The following HERC1 variants were observed in gnomAD, a reference collection of about 807,000 sequenced individuals.
The protein encoded by HERC1 is probable E3 ubiquitin-protein ligase HERC1.
Under a neutral mutation model 554.3 loss-of-function variants are expected in HERC1, and 160 were observed. That is an observed-to-expected ratio of 0.29 (90% confidence interval 0.25 to 0.33). The LOEUF is 0.33. Among genes scored for constraint, HERC1 ranks in the 10% least tolerant of loss-of-function variants. The probability of loss-of-function intolerance (pLI) is 1.00; values close to 1 mark genes in which losing one functional copy is unlikely to be tolerated. For synonymous variants in HERC1, 2,175 were observed against 2,131.7 expected (o/e 1.02, Z -0.56); for missense variants, 4,919 against 5,918.5 (o/e 0.83, Z 5.54).
At chr15:63,628,385 A>G (rs1056811648) in intron 70 of HERC1, among the ~76,000 whole-genome samples, 1 of 152,150 alleles carries the variant, frequency 6.6e-6, no homozygotes, top group Non-Finnish European at 1.5e-5. Context: ...GCAAGACTCC[A>G]TCTCAAAAAA....
chr15:63,810,137 T>C (rs912440060), intron 1 of HERC1, among the ~76,000 whole-genome samples: 3 of 152,146 alleles, frequency 2.0e-5, no homozygotes, highest in Non-Finnish European at 4.4e-5. Flanking sequence ...TAAAAATACA[T>C]TAAGATGCAG....
intron 1 of HERC1, among the ~76,000 whole-genome samples, chr15:63,828,592 G>A (rs2078021588): frequency 6.6e-6 from 1 of 152,080 alleles, no homozygotes; most frequent in Admixed American, 6.6e-5. Flanking sequence ...GCCCTCCTCG[G>A]CCTCCCAAAG....
chr15:63,713,833 A>T, intron 22 of HERC1, 168 bp from the exon 23 acceptor site: 1 of 542,768 alleles, frequency 1.8e-6, no homozygotes, highest in Non-Finnish European at 3.2e-6. Flanking sequence ...AATTACATTT[A>T]AAATATACTA....
chr15:63,814,962 A>C (rs1303019645), intron 1 of HERC1, among the ~76,000 whole-genome samples: 1 of 152,258 alleles, frequency 6.6e-6, no homozygotes, highest in African/African-American at 2.4e-5. Context: ...ATAACCTCAG[A>C]TCTCATGTAT....
At chr15:63,638,640 C>G (rs2068891676) in intron 62 of HERC1, 71 bp downstream of exon 62, 4 of 1,584,192 alleles carry the variant, frequency 2.5e-6, no homozygotes, top group Non-Finnish European at 1.7e-6. Context: ...CACCAGGGCA[C>G]AAACACACAA....
chr15:63,645,250 G>A (rs909896251), intron 56 of HERC1, among the ~76,000 whole-genome samples, 153 bp from the exon 57 acceptor site: 3 of 151,930 alleles, frequency 2.0e-5, no homozygotes, highest in Non-Finnish European at 4.4e-5. Flanking sequence ...AAATACAACC[G>A]AGGCCAATAT....
intron 1 of HERC1, among the ~76,000 whole-genome samples, chr15:63,821,254 C>T (rs558107745): frequency 5.9e-5 from 9 of 151,792 alleles, no homozygotes; most frequent in South Asian, 2.1e-4. Context: ...AGACCTCATC[C>T]CTAAAAAAAT....
rs894750727 is a variant in HERC1, at chr15:63,758,977, C to T, written c.1027-608G>A. Among the ~76,000 whole-genome samples, 1 of 152,140 alleles carries T rather than the reference C, an allele frequency of 6.6e-6. No homozygotes were observed. Among genetic ancestry groups the T allele is most frequent in the Non-Finnish European group, 1.5e-5 (1 of 68,038 alleles). On this transcript the variant is annotated intron_variant, in intron 3 of 77. Transcript: ENST00000443617. This position sits in a 1 kb window ranked among gnomAD's most constrained non-coding sequence, Gnocchi z 4.0. ...CTCCTGGGTTCAAGCAATCCTCCCA[C>T]CTCAGCCCCCCAAGTAGCTGAGATT...
At position 63,619,616 on chromosome 15, in the gene HERC1, C is replaced by T. The variant is rs1341893663; in HGVS notation, c.13689-2934G>A. Among the ~76,000 whole-genome samples, 24 of 152,256 alleles carry T rather than the reference C, an allele frequency of 1.6e-4. No homozygotes were observed. The South Asian group carries it at 3.9e-3, about 25-fold the overall frequency. ...CTCTGGTAGAAGTTGGCTGTGAATC[C>T]GTCTGGTCCTGGACTTTTTTTGGTT... On this transcript the variant is annotated intron_variant, in intron 74 of 77. Transcript: ENST00000443617.
intron 1 of HERC1, among the ~76,000 whole-genome samples, chr15:63,826,129 T>C (rs1457852485): frequency 6.6e-6 from 1 of 152,114 alleles, no homozygotes. Context: ...AATCTTTGAT[T>C]TTCAATTAAT....
chr15:63,665,492 G>A (rs373135635), intron 42 of HERC1, among the ~76,000 whole-genome samples: 18 of 152,100 alleles, frequency 1.2e-4, no homozygotes, highest in East Asian at 3.9e-4. Context: ...CCGATATCGC[G>A]CCACTGCACT....
intron 1 of HERC1, among the ~76,000 whole-genome samples, chr15:63,819,091 CTTACT>C (rs1567160224): frequency 6.6e-6 from 1 of 152,220 alleles, no homozygotes; most frequent in Non-Finnish European, 1.5e-5. Flanking sequence ...TTTCCAATCA[CTTACT>C]TTAGAGATCA....
intron 1 of HERC1, among the ~76,000 whole-genome samples, chr15:63,786,069 G>C (rs920427773): frequency 3.3e-5 from 5 of 151,760 alleles, no homozygotes; most frequent in Non-Finnish European, 7.4e-5. Context: ...AGAAAAAAAA[G>C]ACAAAACATA....
intron 46 of HERC1, among the ~76,000 whole-genome samples, chr15:63,660,730 T>A (rs1595914249): frequency 6.6e-6 from 1 of 152,120 alleles, no homozygotes; most frequent in East Asian, 1.9e-4. Context: ...GAAAAAAAAA[T>A]ACACCTAATA....
chr15:63,682,628 A>C (rs1460745583), intron 34 of HERC1, among the ~76,000 whole-genome samples: 1 of 152,146 alleles, frequency 6.6e-6, no homozygotes, highest in Non-Finnish European at 1.5e-5. Context: ...AAAAACAAAC[A>C]AACAAGAATA....
intron 74 of HERC1, 46 bp downstream of exon 74, chr15:63,622,766 CTAT>C (rs769163153): frequency 3.7e-6 from 5 of 1,367,618 alleles, no homozygotes; most frequent in Non-Finnish European, 5.0e-6. Context: ...TAAATGTGAG[CTAT>C]TATTATTATT....
Position 63,650,068 on chromosome 15 carries a change from G to A in HERC1, c.10547-143C>T, listed in dbSNP as rs556743193. 1.0e-4 allele frequency: 66 copies of A among 629,010 alleles called. No individual in the cohort carries two copies. The African/African-American group carries it at 1.1e-3, about 11-fold the overall frequency. The allele number at this position is 629,010 out of a possible 1,614,324, so 39.0% of individuals were successfully genotyped here. A position where few individuals can be genotyped will look rare whatever the true frequency, so the allele number is the denominator to read the frequency against. On this transcript the variant is annotated intron_variant, in intron 53 of 77. Transcript: ENST00000443617. ...GCCTACTAATGAATAAGACCATGAA[G>A]GCAGGATCCTTCATTTATAATACTA...
chr15:63,746,858 G>A (rs538816821), intron 12 of HERC1, 60 bp downstream of exon 12: 1 of 1,406,136 alleles, frequency 7.1e-7, no homozygotes, highest in Non-Finnish European at 9.8e-7. Context: ...ATATTGTATA[G>A]CTAAAATCTC....
intron 1 of HERC1, among the ~76,000 whole-genome samples, chr15:63,785,244 CA>C (rs1205033206): frequency 6.6e-6 from 1 of 151,484 alleles, no homozygotes; most frequent in African/African-American, 2.4e-5. Flanking sequence ...AGCAACATAG[CA>C]AGACATTACC....
Sources: allele counts gnomAD v4.1 joint callset (sites outside exome capture counted in the v4.1 genomes callset), GRCh38; gene constraint gnomAD v4.1.1; non-coding constraint Gnocchi (gnomAD v3.1); transcripts MANE v1.5; gene names NCBI Gene and HGNC (gene_info 2026-07-23, HGNC 2026-07-21).